Variants in DUSP28 observed in about 807,000 individuals in gnomAD.
DUSP28 encodes the protein dual specificity phosphatase 28.
A neutral mutation model predicts 8.4 loss-of-function variants in DUSP28; 11 were observed. The observed-to-expected ratio is 1.31, with a 90% confidence interval of 0.83 to 2.17. The LOEUF (loss-of-function observed/expected upper bound fraction) is 2.17. Ranked by LOEUF, DUSP28 falls within the 30% of genes most tolerant of loss-of-function variation. The probability of loss-of-function intolerance (pLI) is 0.00; values close to 1 mark genes in which losing one functional copy is unlikely to be tolerated. For synonymous variants in DUSP28, 178 were observed against 130.9 expected (o/e 1.36, Z -2.46); for missense variants, 373 against 270.4 (o/e 1.38, Z -2.66).
Position 240,564,261 on chromosome 2 carries a change from G to C in DUSP28, c.*2794G>C, listed in dbSNP as rs573070042. 3.3e-4 allele frequency among the ~76,000 whole-genome samples: 50 copies of C among 152,328 alleles called. No individual in the cohort carries two copies. Among genetic ancestry groups the C allele is most frequent in the Non-Finnish European group, 6.2e-4 (42 of 68,034 alleles). On this transcript the variant is annotated 3_prime_UTR_variant, in exon 2 of 2. Transcript: ENST00000405954. ...TCACAAGAGAATCCTCCACCTCAGT[G>C]GCCCTGAAGTGGCCTGAAGGGCCCG...
At position 240,560,403 on chromosome 2, in the gene DUSP28, C is replaced by T; in HGVS notation, c.-282C>T. 1 of 299,340 alleles carries T rather than the reference C, an allele frequency of 3.3e-6. No individual in the cohort carries two copies. Among genetic ancestry groups the T allele is most frequent in the Non-Finnish European group, 6.0e-6 (1 of 167,752 alleles). 18.5% of individuals were successfully genotyped at this position (299,340 alleles called of 1,614,324 possible). ...CAGGCCGCGGGGGCGGGGAGGACGG[C>T]GCCCGGGGACAGAGAACATGGGACG... On this transcript the variant is annotated 5_prime_UTR_variant, in exon 1 of 2. Coordinates refer to ENST00000405954, the MANE Select transcript of DUSP28 (RefSeq NM_001370465.2).
chr2:240,560,841 C>A lies in DUSP28; in HGVS notation c.157C>A (p.Arg53Ser), dbSNP rs768842256. The A allele has an allele frequency of 1.4e-5, 19 of 1,397,404 alleles. No individual in the cohort carries two copies. Among genetic ancestry groups the A allele is most frequent in the Non-Finnish European group, 1.0e-5 (11 of 1,085,260 alleles). 86.6% of individuals were successfully genotyped at this position (1,397,404 alleles called of 1,614,324 possible). A position where few individuals can be genotyped will look rare whatever the true frequency, so the allele number is the denominator to read the frequency against. ...AGVTLCVNVS[R>S]QQPGPRAPGV... Reference sequence around the variant, plus strand: ...AGTCACGCTGTGCGTCAACGTCTCCCGCCAGCAGCCCGGCCCGCGCGCGCC... The same window carrying A: ...AGTCACGCTGTGCGTCAACGTCTCCAGCCAGCAGCCCGGCCCGCGCGCGCC... Residue 53 changes from arginine to serine, a missense_variant, in exon 1 of 2, where the codon CGC becomes AGC. Arg to Ser is a moderately radical substitution (Grantham distance 110, BLOSUM62 -1). Coordinates refer to ENST00000405954, the MANE Select transcript of DUSP28 (RefSeq NM_001370465.2).
rs752876567 is a variant in DUSP28 at position 240,561,008 on chromosome 2, C to T, written c.324C>T (p.Ser108=). The change falls in exon 1 of 2, where the codon AGC becomes AGT. Residue 108 remains serine (S), a synonymous_variant. Transcript: ENST00000405954. ...TAGTCTACTGCAAGAACGGCCGCAG[C>T]CGCTCGGCCGCCGTCTGCACCGCGT... is the stretch of plus-strand genomic sequence containing the variant. ...ACLVYCKNGR[S]RSAAVCTAYL... The T allele has an allele frequency of 2.6e-6, 4 of 1,536,030 alleles. No homozygotes were observed. In the African/African-American group the frequency reaches 5.6e-5, roughly 21 times the overall value.
rs2092958409 is a variant in DUSP28 at position 240,561,507 on chromosome 2, A to C, written c.*40A>C. On this transcript the variant is annotated 3_prime_UTR_variant, in exon 2 of 2. Transcript: ENST00000405954. ...CTGCCTGGAGGAAGGATGTCCCTGCACTGATACAGAAGGCTGGTCTTTACC... is the reference window on the plus strand; with the variant it reads ...CTGCCTGGAGGAAGGATGTCCCTGCCCTGATACAGAAGGCTGGTCTTTACC... 1 of 1,583,052 alleles carries C rather than the reference A, an allele frequency of 6.3e-7. No individual in the cohort carries two copies. Among genetic ancestry groups the C allele is most frequent in the Non-Finnish European group, 8.6e-7 (1 of 1,165,196 alleles).
In DUSP28 at chr2:240,561,675, A is replaced by G. The variant is rs899414778; in HGVS notation, c.*208A>G. 2.7e-6 allele frequency: 2 copies of G among 750,238 alleles called. No individual in the cohort carries two copies. Among genetic ancestry groups the G allele is most frequent in the Non-Finnish European group, 4.0e-6 (2 of 497,656 alleles). 46.5% of individuals were successfully genotyped at this position (750,238 alleles called of 1,614,324 possible). A position where few individuals can be genotyped will look rare whatever the true frequency, so the allele number is the denominator to read the frequency against. On this transcript the variant is annotated 3_prime_UTR_variant, in exon 2 of 2. Coordinates refer to ENST00000405954, the MANE Select transcript of DUSP28 (RefSeq NM_001370465.2). ...AAATACATTTGGTAAAACATCGAAG[A>G]CAAATTAAGAAAAAGCAAATAGGGA...
upstream of DUSP28, chr2:240,560,091 T>A (rs1020967017): frequency 2.6e-5 from 4 of 152,394 alleles, no homozygotes; most frequent in South Asian, 2.1e-4. Flanking sequence ...AAATTAGTTT[T>A]ATTTTATGAG....
rs765645674 is a variant in DUSP28 at position 240,560,954 on chromosome 2, GGCCGC to G, written c.272_276del (p.Ala91GlyfsTer62). ...TGGAGCCCACGTGCGCCGCCATGGA[GGCCGC>G]GGTGCGCGCCGGCGGCGCCTGCCTA... is the stretch of plus-strand genomic sequence containing the variant. On this transcript the variant is annotated frameshift_variant, in exon 1 of 2. Transcript: ENST00000405954. LOFTEE classifies it high-confidence loss of function. 8 of 1,523,926 alleles carry G rather than the reference GGCCGC, an allele frequency of 5.2e-6. No homozygotes were observed. The highest frequency in any genetic ancestry group is 7.0e-6 in the Non-Finnish European group (8 of 1,149,248). The allele number at this position is 1,523,926 out of a possible 1,614,324, so 94.4% of individuals were successfully genotyped here.
At position 240,560,625 on chromosome 2, in the gene DUSP28, G is replaced by A; in HGVS notation, c.-60G>A. ...GCTCCCACAAATAGACTCCTGGGCGGGCGCCTGAGCCCCCAAAATAGATCC... is the reference window on the plus strand; with the variant it reads ...GCTCCCACAAATAGACTCCTGGGCGAGCGCCTGAGCCCCCAAAATAGATCC... On this transcript the variant is annotated 5_prime_UTR_variant, in exon 1 of 2. Transcript: ENST00000405954. 4 of 1,406,986 alleles carry A rather than the reference G, an allele frequency of 2.8e-6. No homozygotes were observed. The highest frequency in any genetic ancestry group is 3.7e-6 in the Non-Finnish European group (4 of 1,088,238). The allele number at this position is 1,406,986 out of a possible 1,614,324, so 87.2% of individuals were successfully genotyped here.
rs1349053276 is a variant in DUSP28 at position 240,561,068 on chromosome 2, G to C, written c.384G>C (p.Lys128Asn). ...GGCACCGCGGCCTCAGCCTGGCGAA[G>C]GCCTTCCAGGTGGGCGGGCCTTTAG... ...LMRHRGLSLAKAFQMVKSARP... is the reference protein window; with the variant it reads ...LMRHRGLSLANAFQMVKSARP... The change falls in exon 1 of 2, where the codon AAG becomes AAC. Residue 128 changes from lysine (K) to asparagine (N), a missense_variant. By Grantham distance (94) the Lys-to-Asn change is moderately conservative. Transcript: ENST00000405954. 2.0e-6 allele frequency: 3 copies of C among 1,488,208 alleles called. No individual in the cohort carries two copies. The highest frequency in any genetic ancestry group is 2.6e-5 in the South Asian group (2 of 76,518). The allele number at this position is 1,488,208 out of a possible 1,614,324, so 92.2% of individuals were successfully genotyped here. A position where few individuals can be genotyped will look rare whatever the true frequency, so the allele number is the denominator to read the frequency against.
chr2:240,560,251 G>T (rs943054476), upstream of DUSP28: 1 of 158,566 alleles, frequency 6.3e-6, no homozygotes, highest in Admixed American at 6.5e-5. Flanking sequence ...GGGTAGCCAC[G>T]GGGCCCTAGC....
Position 240,562,083 on chromosome 2 carries a change from TTC to T in DUSP28, c.*618_*619del, listed in dbSNP as rs2092971613. ...ACGGACATCCTTTTTCTTTCTCTCT[TTC>T]TTTTTTTTTGTTTGTTTGTTTGAGA... is the stretch of plus-strand genomic sequence containing the variant. On this transcript the variant is annotated 3_prime_UTR_variant, in exon 2 of 2. Coordinates refer to ENST00000405954, the MANE Select transcript of DUSP28 (RefSeq NM_001370465.2). 1.3e-5 allele frequency: 2 copies of T among 151,242 alleles called. No individual in the cohort carries two copies. The highest frequency in any genetic ancestry group is 3.0e-5 in the Non-Finnish European group (2 of 67,684). The allele number at this position is 151,242 out of a possible 1,614,324, so 9.4% of individuals were successfully genotyped here. A position where few individuals can be genotyped will look rare whatever the true frequency, so the allele number is the denominator to read the frequency against.
In DUSP28 at chr2:240,560,841, C is replaced by G. The variant is rs768842256; in HGVS notation, c.157C>G (p.Arg53Gly). The part of the protein sequence containing the change: ...AGVTLCVNVS[R>G]QQPGPRAPGV... ...AGTCACGCTGTGCGTCAACGTCTCCCGCCAGCAGCCCGGCCCGCGCGCGCC... is the reference window on the plus strand; with the variant it reads ...AGTCACGCTGTGCGTCAACGTCTCCGGCCAGCAGCCCGGCCCGCGCGCGCC... Residue 53 changes from arginine to glycine, a missense_variant, in exon 1 of 2, where the codon CGC becomes GGC. Coordinates refer to ENST00000405954, the MANE Select transcript of DUSP28 (RefSeq NM_001370465.2). 1 of 1,397,404 alleles carries G rather than the reference C, an allele frequency of 7.2e-7. No individual in the cohort carries two copies. The highest frequency in any genetic ancestry group is 9.2e-7 in the Non-Finnish European group (1 of 1,085,260). 86.6% of individuals were successfully genotyped at this position (1,397,404 alleles called of 1,614,324 possible). A position where few individuals can be genotyped will look rare whatever the true frequency, so the allele number is the denominator to read the frequency against.
Position 240,563,807 on chromosome 2 carries a change from C to G in DUSP28, c.*2340C>G, listed in dbSNP as rs2092994071. ...AGGCCTTCACAGTGTCACCCACATT[C>G]ACCTCTTTCCACTTAAACGTGTCCC... On this transcript the variant is annotated 3_prime_UTR_variant, in exon 2 of 2. Coordinates refer to ENST00000405954, the MANE Select transcript of DUSP28 (RefSeq NM_001370465.2). 1 of 152,428 alleles carries G rather than the reference C, an allele frequency of 6.6e-6. No homozygotes were observed. The highest frequency in any genetic ancestry group is 2.4e-5 in the African/African-American group (1 of 41,474). 9.4% of individuals were successfully genotyped at this position (152,428 alleles called of 1,614,324 possible). A position where few individuals can be genotyped will look rare whatever the true frequency, so the allele number is the denominator to read the frequency against.
chr2:240,561,051 G>C lies in DUSP28; in HGVS notation c.367G>C (p.Gly123Arg), dbSNP rs1023226275. The C allele has an allele frequency of 6.6e-7, 1 of 1,504,486 alleles. No individual in the cohort carries two copies. The highest frequency in any genetic ancestry group is 8.8e-7 in the Non-Finnish European group (1 of 1,136,144). 93.2% of individuals were successfully genotyped at this position (1,504,486 alleles called of 1,614,324 possible). A position where few individuals can be genotyped will look rare whatever the true frequency, so the allele number is the denominator to read the frequency against. The change falls in exon 1 of 2, where the codon GGC becomes CGC. Residue 123 changes from glycine (G) to arginine (R), a missense_variant. By Grantham distance (125) the Gly-to-Arg change is moderately radical (BLOSUM62 -2). Coordinates refer to ENST00000405954, the MANE Select transcript of DUSP28 (RefSeq NM_001370465.2). ...VCTAYLMRHR[G>R]LSLAKAFQMV... ...CACCGCGTACCTCATGCGGCACCGCGGCCTCAGCCTGGCGAAGGCCTTCCA... is the reference window on the plus strand; with the variant it reads ...CACCGCGTACCTCATGCGGCACCGCCGCCTCAGCCTGGCGAAGGCCTTCCA...
At position 240,561,488 on chromosome 2, in the gene DUSP28, G is replaced by A; in HGVS notation, c.*21G>A. ...CTTGAAGCTTGAAGGCCTGCTGCCT[G>A]GAGGAAGGATGTCCCTGCACTGATA... On this transcript the variant is annotated 3_prime_UTR_variant, in exon 2 of 2. Transcript: ENST00000405954. The A allele has an allele frequency of 5.0e-6, 8 of 1,607,768 alleles. No homozygotes were observed. The highest frequency in any genetic ancestry group is 1.7e-5 in the Admixed American group (1 of 59,346).
At chr2:240,561,101 G>T (rs771443330) in intron 1 of DUSP28, 24 bp downstream of exon 1, 2 of 1,463,816 alleles carry the variant, frequency 1.4e-6, no homozygotes, top group Non-Finnish European at 1.8e-6. Flanking sequence ...TAGGGGGGCG[G>T]TGTTTCGAGA....
In DUSP28 at chr2:240,561,542, C is replaced by T; in HGVS notation, c.*75C>T. ...AAGGCTGGTCTTTACCCTTCTTCCT[C>T]ACTGTCATATCGAGTTTTCCTTTGT... On this transcript the variant is annotated 3_prime_UTR_variant, in exon 2 of 2. Transcript: ENST00000405954. The T allele has an allele frequency of 6.6e-7, 1 of 1,508,806 alleles. No individual in the cohort carries two copies. 93.5% of individuals were successfully genotyped at this position (1,508,806 alleles called of 1,614,324 possible).
At position 240,565,203 on chromosome 2, in the gene DUSP28, C is replaced by G. The variant is rs964735100; in HGVS notation, c.*3736C>G. Among the ~76,000 whole-genome samples, 1 of 151,640 alleles carries G rather than the reference C, an allele frequency of 6.6e-6. No individual in the cohort carries two copies. Among genetic ancestry groups the G allele is most frequent in the Non-Finnish European group, 1.5e-5 (1 of 68,036 alleles). On this transcript the variant is annotated 3_prime_UTR_variant, in exon 2 of 2. Transcript: ENST00000405954. ...AGTCATTGGTTAATATATACAACTACGCGTATTTACATTCTGTATGCGTCA... is the reference window on the plus strand; with the variant it reads ...AGTCATTGGTTAATATATACAACTAGGCGTATTTACATTCTGTATGCGTCA...
Position 240,561,591 on chromosome 2 carries a change from C to A in DUSP28, c.*124C>A. On this transcript the variant is annotated 3_prime_UTR_variant, in exon 2 of 2. Coordinates refer to ENST00000405954, the MANE Select transcript of DUSP28 (RefSeq NM_001370465.2). ...GTGTGTGTGTGTGTGAAACATAGTGCTTTTAATTTTATATTTCCGGCTGAG... is the reference window on the plus strand; with the variant it reads ...GTGTGTGTGTGTGTGAAACATAGTGATTTTAATTTTATATTTCCGGCTGAG... 1 of 1,254,744 alleles carries A rather than the reference C, an allele frequency of 8.0e-7. No homozygotes were observed. The highest frequency in any genetic ancestry group is 1.0e-6 in the Non-Finnish European group (1 of 954,448). 77.7% of individuals were successfully genotyped at this position (1,254,744 alleles called of 1,614,324 possible).
Sources: gnomAD v4.1 joint callset for allele counts (sites outside exome capture counted in the v4.1 genomes callset) on GRCh38, gnomAD v4.1.1 for gene constraint, MANE v1.5 for transcripts, NCBI Gene and HGNC (gene_info 2026-07-23, HGNC 2026-07-21) for gene names.